CSMD3: variants seen among roughly 807,000 people sequenced by gnomAD.
CSMD3 encodes the protein CUB and Sushi multiple domains 3, also known as CUB and sushi domain-containing protein 3.
A neutral mutation model predicts 435.2 loss-of-function variants in CSMD3; 177 were observed. The observed-to-expected ratio is 0.41, with a 90% CI of 0.36 to 0.46. The LOEUF is 0.46. Among genes scored for constraint, CSMD3 ranks in the 20% least tolerant of loss-of-function variants. CSMD3 has a pLI of 0.34. For synonymous variants in CSMD3, 1,656 were observed against 1,520.5 expected (o/e 1.09, Z -2.07); for missense variants, 4,265 against 4,504.6 (o/e 0.95, Z 1.52).
chr8:112,431,914 T>C (rs1227945999), intron 32 of CSMD3, among the ~76,000 whole-genome samples: 1 of 152,148 alleles, frequency 6.6e-6, no homozygotes, highest in Admixed American at 6.6e-5. Flanking sequence ...TATGCACAGC[T>C]TGAAAATCTT....
rs1275272450 is a variant in CSMD3 at position 113,071,734 on chromosome 8, C to G, written c.917+27022G>C. On this transcript the variant is annotated intron_variant, in intron 5 of 70. Coordinates refer to ENST00000297405, the MANE Select transcript of CSMD3 (RefSeq NM_198123.2). ...TGTAATATATTTTGCAATTAGAAAG[C>G]TTGATGCCTCCAGTTTTGTTCTTCT... 2.0e-5 allele frequency among the ~76,000 whole-genome samples: 3 copies of G among 151,934 alleles called. No individual in the cohort carries two copies. In the East Asian group the frequency reaches 5.8e-4, roughly 29 times the overall value.
chr8:113,364,444 A>C (rs777118322), intron 1 of CSMD3, among the ~76,000 whole-genome samples: 2 of 152,094 alleles, frequency 1.3e-5, no homozygotes, highest in African/African-American at 2.4e-5. Flanking sequence ...TGGAAATGAA[A>C]TGCTAGCCTA....
intron 32 of CSMD3, among the ~76,000 whole-genome samples, chr8:112,450,964 T>C (rs540763996): frequency 1.2e-4 from 19 of 152,304 alleles, no homozygotes; most frequent in African/African-American, 4.1e-4. Context: ...ACATGTTTAT[T>C]ACAATGATAT....
At chr8:112,726,582 A>G (rs1165470459) in intron 13 of CSMD3, among the ~76,000 whole-genome samples, 1 of 151,894 alleles carries the variant, frequency 6.6e-6, no homozygotes, top group Non-Finnish European at 1.5e-5. Flanking sequence ...GGTGCATAGT[A>G]TACTCAGACC....
chr8:112,783,408 A>G (rs1182500238), intron 13 of CSMD3, among the ~76,000 whole-genome samples: 3 of 89,840 alleles, frequency 3.3e-5, no homozygotes, highest in Admixed American at 1.2e-4. Flanking sequence ...GAAGGAAGGA[A>G]GGAAGGAGGG....
chr8:112,439,189 AGAGTGCAGTGG>A (rs1814706863), intron 32 of CSMD3, among the ~76,000 whole-genome samples: 1 of 152,094 alleles, frequency 6.6e-6, no homozygotes, highest in Non-Finnish European at 1.5e-5. Flanking sequence ...TGCCCAGGCT[AGAGTGCAGTGG>A]CACGATCTCA....
intron 13 of CSMD3, among the ~76,000 whole-genome samples, chr8:112,780,926 G>A (rs1376192926): frequency 2.6e-5 from 4 of 152,190 alleles, no homozygotes; most frequent in Middle Eastern, 3.4e-3. Flanking sequence ...TCCTGGTGCT[G>A]TGCTGGGCTC....
In CSMD3 at chr8:112,734,955, G is replaced by C. The variant is rs1259172049; in HGVS notation, c.1973-44905C>G. Among the ~76,000 whole-genome samples, 3 of 151,944 alleles carry C rather than the reference G, an allele frequency of 2.0e-5. No homozygotes were observed. The East Asian group carries it at 5.8e-4, about 29-fold the overall frequency. ...TGCACAGGGAAAGGTGCCCCCATTT[G>C]TAACAATAGAAAGACGTAGTAGGAA... On this transcript the variant is annotated intron_variant, in intron 13 of 70. Coordinates refer to ENST00000297405, the MANE Select transcript of CSMD3 (RefSeq NM_198123.2).
chr8:112,255,404 T>C lies in CSMD3; in HGVS notation c.9886A>G (p.Ile3296Val), dbSNP rs1815684057. 3 of 1,613,658 alleles carry C rather than the reference T, an allele frequency of 1.9e-6. No individual in the cohort carries two copies. Among genetic ancestry groups the C allele is most frequent in the Non-Finnish European group, 2.5e-6 (3 of 1,179,752 alleles). The change falls in exon 62 of 71, where the codon ATA (isoleucine) becomes GTA (valine). Residue 3296 changes from isoleucine (I) to valine (V), a missense_variant. Ile to Val is a conservative substitution (Grantham distance 29). Transcript: ENST00000297405. ...CLPKFCGDPG[I>V]PAQGKREGKS... ...CCTTCTCTTTTTCCTTGGGCAGGTA[T>C]ACCAGGGTCACCACAAAACTTTGCT...
chr8:113,290,683 G>A (rs913042261), intron 2 of CSMD3, among the ~76,000 whole-genome samples: 11 of 151,546 alleles, frequency 7.3e-5, no homozygotes, highest in African/African-American at 2.4e-4. Context: ...ACATTAACAT[G>A]AGAATGCAGT....
intron 1 of CSMD3, among the ~76,000 whole-genome samples, chr8:113,337,017 T>C (rs1470906517): frequency 3.3e-5 from 5 of 152,126 alleles, no homozygotes; most frequent in Admixed American, 6.6e-5. Flanking sequence ...AGGACATATA[T>C]CAACTCAACG....
At chr8:112,239,649 G>C (rs1813928915) in intron 66 of CSMD3, among the ~76,000 whole-genome samples, 2 of 152,000 alleles carry the variant, frequency 1.3e-5, no homozygotes, top group Non-Finnish European at 1.5e-5. Context: ...GTTCTAGTAA[G>C]ATGTAGTGTT....
intron 3 of CSMD3, among the ~76,000 whole-genome samples, chr8:113,272,981 A>G (rs536494671): frequency 1.1e-4 from 17 of 152,176 alleles, no homozygotes; most frequent in Non-Finnish European, 1.9e-4. Context: ...TATTGTATAT[A>G]AATTCTAAAA....
At chr8:112,661,639 C>A (rs2075382326) in intron 17 of CSMD3, among the ~76,000 whole-genome samples, 1 of 152,042 alleles carries the variant, frequency 6.6e-6, no homozygotes, top group African/African-American at 2.4e-5. Flanking sequence ...CATAATAATG[C>A]ACTTTGTGTT....
At chr8:112,471,198 G>C (rs1818487378) in intron 32 of CSMD3, among the ~76,000 whole-genome samples, 1 of 152,100 alleles carries the variant, frequency 6.6e-6, no homozygotes, top group Admixed American at 6.6e-5. Flanking sequence ...GGCCTCCCAA[G>C]AACAGAGTAT....
At chr8:113,190,160 T>A (rs2092563849) in intron 3 of CSMD3, among the ~76,000 whole-genome samples, 1 of 151,804 alleles carries the variant, frequency 6.6e-6, no homozygotes, top group Admixed American at 6.6e-5. Context: ...AATGTTCACT[T>A]ATTTATTAAA....
chr8:112,292,714 A>G lies in CSMD3; in HGVS notation c.8615-4T>C, dbSNP rs992730191. 2 of 1,612,882 alleles carry G rather than the reference A, an allele frequency of 1.2e-6. No individual in the cohort carries two copies. The highest frequency in any genetic ancestry group is 2.7e-5 in the African/African-American group (2 of 74,908). On this transcript the variant is annotated splice_polypyrimidine_tract_variant and splice_region_variant and intron_variant, in intron 54 of 70. Transcript: ENST00000297405. ...CCAGGGTGACCACAGCTAACAGCTA[A>G]TAAGATGTGGCAGGAGGACAGGGAA...
chr8:112,924,961 C>T (rs926265994), intron 9 of CSMD3, among the ~76,000 whole-genome samples: 23 of 152,082 alleles, frequency 1.5e-4, no homozygotes, highest in African/African-American at 5.6e-4. Context: ...TCCTCATAGT[C>T]TAGGGGTTCT....
In CSMD3 at chr8:112,410,688, G is replaced by GTA. The variant is rs376316946; in HGVS notation, c.5396-1658_5396-1657dup. On this transcript the variant is annotated intron_variant, in intron 32 of 70. Transcript: ENST00000297405. ...TATATATATATGTGTATATATATAT[G>GTA]TATATATATATGTGTATATATATAT... 1.3e-3 allele frequency among the ~76,000 whole-genome samples: 165 copies of GTA among 125,046 alleles called. 2 individuals are homozygous for GTA. The highest frequency in any genetic ancestry group is 1.8e-3 in the Non-Finnish European group (108 of 60,034). The allele number at this position is 125,046 out of a possible 152,430, so 82.0% of individuals were successfully genotyped here. A position where few individuals can be genotyped will look rare whatever the true frequency, so the allele number is the denominator to read the frequency against.
Sources: gnomAD v4.1 joint callset for allele counts (sites outside exome capture counted in the v4.1 genomes callset) on GRCh38, gnomAD v4.1.1 for gene constraint, MANE v1.5 for transcripts, NCBI Gene and HGNC (gene_info 2026-07-23, HGNC 2026-07-21) for gene names.